Variants in CDH12 observed in about 807,000 individuals in gnomAD.
The protein encoded by CDH12 is cadherin 12, also known as cadherin-12.
A neutral mutation model predicts 74.1 loss-of-function variants in CDH12; 41 were observed. The ratio of observed to expected loss-of-function variants is 0.55; its 90% confidence interval spans 0.43 to 0.72. The LOEUF is 0.72. Among genes scored for constraint, CDH12 ranks in the 30% least tolerant of loss-of-function variants. The pLI is 0.00. For missense variants in CDH12, 945 were observed against 977.2 expected (o/e 0.97, Z 0.44); for synonymous variants, 399 against 355.0 (o/e 1.12, Z -1.39).
At chr5:22,537,679 T>G (rs1737913740) in intron 1 of CDH12, among the ~76,000 whole-genome samples, 1 of 151,864 alleles carries the variant, frequency 6.6e-6, no homozygotes, top group African/African-American at 2.4e-5. Flanking sequence ...ACAGAAACAC[T>G]CCAAGCTTGT....
At chr5:22,548,430 A>T (rs912518961) in intron 1 of CDH12, among the ~76,000 whole-genome samples, 1 of 152,184 alleles carries the variant, frequency 6.6e-6, no homozygotes, top group Non-Finnish European at 1.5e-5. Context: ...CTAGAAATAC[A>T]ATAAAAACAG....
At chr5:22,479,342 A>T (rs1308503068) in intron 2 of CDH12, among the ~76,000 whole-genome samples, 2 of 152,208 alleles carry the variant, frequency 1.3e-5, no homozygotes, top group Admixed American at 6.5e-5. Context: ...TCTGCTACTA[A>T]GTGCCAGGCA....
intron 1 of CDH12, among the ~76,000 whole-genome samples, chr5:22,720,037 AAC>A (rs10654995): frequency 1.1e-4 from 17 of 148,418 alleles, no homozygotes; most frequent in East Asian, 2.0e-4. Flanking sequence ...ACAAAAACAC[AAC>A]ACACACACAC....
intron 6 of CDH12, among the ~76,000 whole-genome samples, chr5:21,927,236 T>C (rs965272700): frequency 5.3e-4 from 80 of 152,096 alleles, no homozygotes; most frequent in African/African-American, 1.8e-3. Flanking sequence ...ACATTTAAGA[T>C]GGGTAAGGAG....
intron 4 of CDH12, among the ~76,000 whole-genome samples, chr5:22,195,966 T>C (rs1750593768): frequency 6.6e-6 from 1 of 152,162 alleles, no homozygotes; most frequent in Admixed American, 6.5e-5. Flanking sequence ...ATATACATAT[T>C]AATCACAGAA....
intron 3 of CDH12, among the ~76,000 whole-genome samples, chr5:22,291,126 T>C (rs1737370640): frequency 2.0e-5 from 3 of 152,162 alleles, no homozygotes; most frequent in Admixed American, 2.0e-4. Flanking sequence ...GCCATATGAT[T>C]ATTTCAATAG....
Position 21,751,944 on chromosome 5 carries a change from C to T in CDH12, c.2178G>A (p.Val726=), listed in dbSNP as rs920016447. 4 of 1,613,982 alleles carry T rather than the reference C, an allele frequency of 2.5e-6. No homozygotes were observed. Among genetic ancestry groups the T allele is most frequent in the Non-Finnish European group, 3.4e-6 (4 of 1,179,994 alleles). ...AATCGTATGGTGGGGCAGTTGGATC[C>T]ACATCATTTTCCTGTAGCCTTTGAT... The part of the protein sequence containing the change: ...FIHQRLQEND[V]DPTAPPYDSL... Residue 726 remains valine, a synonymous_variant, in exon 15 of 15, where the codon GTG becomes GTA. Transcript: ENST00000382254.
At chr5:22,330,744 C>CA (rs1212274101) in intron 3 of CDH12, among the ~76,000 whole-genome samples, 3,782 of 51,566 alleles carry the variant, frequency 0.073, 112 homozygotes, top group East Asian at 0.21. Flanking sequence ...AGCGAGACTC[C>CA]AAAAAAAAAA....
intron 1 of CDH12, among the ~76,000 whole-genome samples, chr5:22,507,832 T>C (rs1272451428): frequency 6.6e-6 from 1 of 152,180 alleles, no homozygotes; most frequent in Non-Finnish European, 1.5e-5. Context: ...GAAATCAAGG[T>C]GTCACGGTGC....
At chr5:22,636,147 C>A (rs1580838371) in intron 1 of CDH12, among the ~76,000 whole-genome samples, 1 of 152,158 alleles carries the variant, frequency 6.6e-6, no homozygotes, top group East Asian at 1.9e-4. Context: ...GATACCATTG[C>A]ACTCATTAAG....
intron 3 of CDH12, among the ~76,000 whole-genome samples, chr5:22,349,464 T>C (rs1038623997): frequency 2.6e-5 from 4 of 152,220 alleles, no homozygotes; most frequent in Non-Finnish European, 5.9e-5. Flanking sequence ...ATTCCTTTGG[T>C]TTCAAATTTT....
At chr5:22,431,726 G>A (rs569526689) in intron 2 of CDH12, among the ~76,000 whole-genome samples, 24 of 152,192 alleles carry the variant, frequency 1.6e-4, no homozygotes, top group Admixed American at 9.8e-4. Context: ...CTAGGCCAAT[G>A]TGTGTGTGTT....
intron 5 of CDH12, among the ~76,000 whole-genome samples, chr5:22,035,580 G>T (rs540498721): frequency 1.6e-4 from 24 of 152,018 alleles, no homozygotes; most frequent in Non-Finnish European, 3.2e-4. Flanking sequence ...ATTACCAAGA[G>T]AAATTTTTTT....
At chr5:22,618,309 C>T (rs1447192064) in intron 1 of CDH12, among the ~76,000 whole-genome samples, 1 of 152,118 alleles carries the variant, frequency 6.6e-6, no homozygotes, top group Non-Finnish European at 1.5e-5. Flanking sequence ...GGGCATTTAT[C>T]AGCATGTTTC....
intron 5 of CDH12, among the ~76,000 whole-genome samples, chr5:21,997,543 G>A (rs1466075045): frequency 6.6e-6 from 1 of 152,148 alleles, no homozygotes; most frequent in African/African-American, 2.4e-5. Flanking sequence ...TCCATAAATA[G>A]TTTACTATAC....
intron 3 of CDH12, among the ~76,000 whole-genome samples, chr5:22,328,232 G>C (rs565970693): frequency 2.0e-5 from 3 of 152,256 alleles, no homozygotes; most frequent in Admixed American, 6.5e-5. Context: ...AAAAATATAT[G>C]TTTAGGATTT....
chr5:22,827,800 T>C (rs1033321139), intron 1 of CDH12, among the ~76,000 whole-genome samples: 3 of 152,208 alleles, frequency 2.0e-5, no homozygotes, highest in Non-Finnish European at 4.4e-5. Context: ...TTCACAATAT[T>C]AACTGCCTTT....
At chr5:22,461,950 T>C (rs1268546627) in intron 2 of CDH12, among the ~76,000 whole-genome samples, 4 of 152,142 alleles carry the variant, frequency 2.6e-5, no homozygotes, top group African/African-American at 9.7e-5. Context: ...TTCAAAACCT[T>C]ACCTAATTGT....
At chr5:21,943,350 CAT>C (rs1405026085) in intron 6 of CDH12, among the ~76,000 whole-genome samples, 3 of 152,096 alleles carry the variant, frequency 2.0e-5, no homozygotes, top group Non-Finnish European at 4.4e-5. Flanking sequence ...ATTTATATAA[CAT>C]TGAATTTATT....
Sources: gnomAD v4.1 joint callset for allele counts (sites outside exome capture counted in the v4.1 genomes callset) on GRCh38, gnomAD v4.1.1 for gene constraint, MANE v1.5 for transcripts, NCBI Gene and HGNC (gene_info 2026-07-23, HGNC 2026-07-21) for gene names.